ATP8A2: variants seen among roughly 807,000 people sequenced by gnomAD.
ATP8A2 encodes the protein ATPase phospholipid transporting 8A2.
Under a neutral mutation model 165.6 loss-of-function variants are expected in ATP8A2, and 100 were observed. The ratio of observed to expected loss-of-function variants is 0.60; its 90% CI spans 0.51 to 0.71. The LOEUF is 0.71. Ranked by LOEUF, ATP8A2 falls within the 30% of genes least tolerant of loss-of-function variation. The pLI, the probability that ATP8A2 is intolerant of heterozygous loss-of-function variation, is 0.00. For synonymous variants in ATP8A2, 543 were observed against 548.8 expected (o/e 0.99, Z 0.15); for missense variants, 1,227 against 1,479.5 (o/e 0.83, Z 2.80).
intron 2 of ATP8A2, among the ~76,000 whole-genome samples, chr13:25,486,656 C>T (rs927812625): frequency 5.3e-5 from 8 of 152,120 alleles, no homozygotes; most frequent in African/African-American, 1.7e-4. Flanking sequence ...CACATATACC[C>T]GTGGAACAAT....
At chr13:25,531,127 G>C (rs1327576636) in intron 4 of ATP8A2, among the ~76,000 whole-genome samples, 2 of 98,128 alleles carry the variant, frequency 2.0e-5, no homozygotes, top group South Asian at 2.8e-4. Context: ...CTATATATTT[G>C]TGTGTGTGTG....
chr13:25,468,159 T>C (rs1296905748), intron 1 of ATP8A2, among the ~76,000 whole-genome samples: 1 of 152,004 alleles, frequency 6.6e-6, no homozygotes, highest in Non-Finnish European at 1.5e-5. Flanking sequence ...CAAGTGAAGG[T>C]TATTGGGGGG....
At chr13:25,923,627 A>T (rs201499245) in intron 33 of ATP8A2, among the ~76,000 whole-genome samples, 2 of 148,472 alleles carry the variant, frequency 1.3e-5, no homozygotes. Context: ...CTTAGCCTCC[A>T]TTTTTTTTTT....
intron 1 of ATP8A2, among the ~76,000 whole-genome samples, chr13:25,439,239 T>G (rs544591520): frequency 8.5e-5 from 13 of 152,288 alleles, no homozygotes; most frequent in Non-Finnish European, 7.4e-5. Flanking sequence ...TCAGGGGCTG[T>G]CAGCCAGGCT....
At chr13:25,781,467 A>G (rs1394471372) in intron 27 of ATP8A2, among the ~76,000 whole-genome samples, 1 of 151,976 alleles carries the variant, frequency 6.6e-6, no homozygotes, top group African/African-American at 2.4e-5. Context: ...ATTGTTTGAA[A>G]ATAATCATTA....
intron 25 of ATP8A2, among the ~76,000 whole-genome samples, chr13:25,760,395 G>A (rs1228221432): frequency 1.3e-5 from 2 of 152,106 alleles, no homozygotes; most frequent in Non-Finnish European, 2.9e-5. Context: ...TGGTTTTCAA[G>A]GACATTATTA....
chr13:25,802,907 C>G (rs1950650859), intron 27 of ATP8A2, among the ~76,000 whole-genome samples: 1 of 150,116 alleles, frequency 6.7e-6, no homozygotes, highest in Non-Finnish European at 1.5e-5. Flanking sequence ...AATAAGGGAG[C>G]TTTTTAAAAT....
intron 2 of ATP8A2, among the ~76,000 whole-genome samples, chr13:25,503,823 C>T (rs1334191149): frequency 3.9e-5 from 6 of 152,020 alleles, no homozygotes; most frequent in East Asian, 1.9e-4. Flanking sequence ...AGCCTGTTGC[C>T]GGCATTTGGT....
At chr13:25,660,527 G>T (rs1298330900) in intron 24 of ATP8A2, among the ~76,000 whole-genome samples, 1 of 152,136 alleles carries the variant, frequency 6.6e-6, no homozygotes, top group Non-Finnish European at 1.5e-5. Context: ...TACGAATGAT[G>T]TTGGCAGAGA....
At chr13:25,550,012 T>C (rs1057181012) in intron 10 of ATP8A2, among the ~76,000 whole-genome samples, 1 of 152,060 alleles carries the variant, frequency 6.6e-6, no homozygotes, top group Non-Finnish European at 1.5e-5. Context: ...CTGTATAAAA[T>C]AGCACACTCA....
chr13:25,838,316 C>A (rs753836918), intron 29 of ATP8A2, among the ~76,000 whole-genome samples: 19 of 152,212 alleles, frequency 1.2e-4, no homozygotes, highest in African/African-American at 4.6e-4. Context: ...TAGTTACATC[C>A]GAGGCAGGGA....
chr13:25,467,829 G>A (rs1443105667), intron 1 of ATP8A2, among the ~76,000 whole-genome samples: 1 of 152,226 alleles, frequency 6.6e-6, no homozygotes, highest in Non-Finnish European at 1.5e-5. Flanking sequence ...GGGATTACAG[G>A]CTTGAGCCAC....
chr13:25,522,943 G>A (rs143857156), intron 2 of ATP8A2, among the ~76,000 whole-genome samples: 323 of 152,170 alleles, frequency 2.1e-3, no homozygotes, highest in South Asian at 0.012. Context: ...GGCCAACATG[G>A]TGAAACCCCA....
Position 25,863,724 on chromosome 13 carries a change from T to G in ATP8A2, c.3183+1316T>G, listed in dbSNP as rs1952422054. On this transcript the variant is annotated intron_variant, in intron 33 of 36. Coordinates refer to ENST00000381655, the MANE Select transcript of ATP8A2 (RefSeq NM_016529.6). ...GGGTAGCATTACTTGCCATTTCACC[T>G]GGTAGCTCTGTCAGCTAATAGCCCA... The G allele has an allele frequency of 2.0e-5, 3 of 152,410 alleles. No individual in the cohort carries two copies. In the South Asian group the frequency reaches 6.2e-4, roughly 32 times the overall value. The allele number at this position is 152,410 out of a possible 1,614,324, so 9.4% of individuals were successfully genotyped here. A position where few individuals can be genotyped will look rare whatever the true frequency, so the allele number is the denominator to read the frequency against.
intron 25 of ATP8A2, among the ~76,000 whole-genome samples, chr13:25,722,296 T>G (rs2043399014): frequency 6.6e-6 from 1 of 152,160 alleles, no homozygotes; most frequent in Non-Finnish European, 1.5e-5. Context: ...CTGATCCCTT[T>G]TGTTTCCAGG....
At position 25,468,831 on chromosome 13, in the gene ATP8A2, G is replaced by C. The variant is rs989484355; in HGVS notation, c.77-146G>C. The C allele has an allele frequency of 9.9e-6, 13 of 1,313,894 alleles. No individual in the cohort carries two copies. In the African/African-American group the frequency reaches 1.1e-4, roughly 11 times the overall value. 81.4% of individuals were successfully genotyped at this position (1,313,894 alleles called of 1,614,324 possible). On this transcript the variant is annotated intron_variant, in intron 1 of 36. Transcript: ENST00000381655. ...CGGCACAGGCGGCGGCGTCTCCAGG[G>C]GGAGCCAAGGTACGTAGGCGGCGTC... is the stretch of plus-strand genomic sequence containing the variant.
chr13:25,616,291 T>C (rs923748268), intron 24 of ATP8A2, among the ~76,000 whole-genome samples: 1 of 151,864 alleles, frequency 6.6e-6, no homozygotes, highest in African/African-American at 2.4e-5. Flanking sequence ...TTCTATCCTT[T>C]AGTGACCACT....
intron 1 of ATP8A2, among the ~76,000 whole-genome samples, chr13:25,420,929 C>T (rs2034280477): frequency 6.6e-6 from 1 of 152,176 alleles, no homozygotes; most frequent in Non-Finnish European, 1.5e-5. Flanking sequence ...CAAACCTCTA[C>T]CTACTTTAAG....
intron 27 of ATP8A2, among the ~76,000 whole-genome samples, chr13:25,801,638 A>G (rs1373129738): frequency 6.6e-6 from 1 of 152,174 alleles, no homozygotes; most frequent in African/African-American, 2.4e-5. Context: ...ATATACTTTG[A>G]AACGTGAAGA....
Sources: gnomAD v4.1 joint callset for allele counts (sites outside exome capture counted in the v4.1 genomes callset) on GRCh38, gnomAD v4.1.1 for gene constraint, MANE v1.5 for transcripts, NCBI Gene and HGNC (gene_info 2026-07-23, HGNC 2026-07-21) for gene names.